The following USP13 variants were observed in gnomAD, a reference collection of about 807,000 sequenced individuals.
USP13 encodes ubiquitin specific peptidase 13.
Under a neutral mutation model 107.8 loss-of-function variants are expected in USP13, and 68 were observed. The ratio of observed to expected loss-of-function variants is 0.63; its 90% CI spans 0.52 to 0.77. The LOEUF (loss-of-function observed/expected upper bound fraction) is 0.77. USP13 is among the 30% of genes least tolerant of loss of function. The pLI, the probability that USP13 is intolerant of heterozygous loss-of-function variation, is 0.00. For synonymous variants in USP13, 377 were observed against 389.5 expected (o/e 0.97, Z 0.38); for missense variants, 945 against 1,093.3 (o/e 0.86, Z 1.91).
At chr3:179,693,908 A>G (rs1712196400) in intron 3 of USP13, among the ~76,000 whole-genome samples, 2 of 148,398 alleles carry the variant, frequency 1.3e-5, no homozygotes, top group Admixed American at 1.3e-4. Context: ...CGAACTCCTG[A>G]CCTCAGGTGG....
At chr3:179,708,596 G>A (rs1479658963) in intron 5 of USP13, among the ~76,000 whole-genome samples, 177 bp from the exon 6 acceptor site, 6 of 152,168 alleles carry the variant, frequency 3.9e-5, no homozygotes, top group Non-Finnish European at 8.8e-5. Flanking sequence ...GGTTACAGGC[G>A]TGAACCACCA....
chr3:179,756,307 C>T lies in USP13; in HGVS notation c.1922-745C>T, dbSNP rs551108533. 2.0e-5 allele frequency among the ~76,000 whole-genome samples: 3 copies of T among 152,278 alleles called. No individual in the cohort carries two copies. The East Asian group carries it at 5.8e-4, about 29-fold the overall frequency. On this transcript the variant is annotated intron_variant, in intron 15 of 20. Transcript: ENST00000263966. The stretch of plus-strand genomic sequence containing the variant: ...GCGTGGCCACACTTGCCTGTAATCC[C>T]AGCTACTCAGGAGGCTGAGGCAAGA...
At chr3:179,728,221 C>T (rs1480817592) in intron 8 of USP13, among the ~76,000 whole-genome samples, 8 of 147,434 alleles carry the variant, frequency 5.4e-5, no homozygotes, top group African/African-American at 7.4e-5. Context: ...ACCTCCCTGC[C>T]AGACGAGGTG....
chr3:179,681,128 G>T (rs953048991), intron 1 of USP13, among the ~76,000 whole-genome samples: 1 of 152,116 alleles, frequency 6.6e-6, no homozygotes, highest in Non-Finnish European at 1.5e-5. Context: ...ACGATTGCTC[G>T]GCTGTCCATA....
In USP13 at chr3:179,721,930, G is replaced by A. The variant is rs935232336; in HGVS notation, c.1088+341G>A. Among the ~76,000 whole-genome samples the A allele has an allele frequency of 1.3e-5, 2 of 151,954 alleles. No homozygotes were observed. The highest frequency in any genetic ancestry group is 4.8e-5 in the African/African-American group (2 of 41,372). On this transcript the variant is annotated intron_variant, in intron 8 of 20. Transcript: ENST00000263966. The surrounding 1 kb of genome is among the most constrained non-coding windows in gnomAD (Gnocchi z 4.3). Reference sequence around the variant, plus strand: ...CTAAAAATACAAAAATTAGCCAGGGGTGGTGGTGCACGCCTGTAATTCCAG... The same window carrying A: ...CTAAAAATACAAAAATTAGCCAGGGATGGTGGTGCACGCCTGTAATTCCAG...
Position 179,720,027 on chromosome 3 carries a change from T to G in USP13, c.893T>G (p.Met298Arg), listed in dbSNP as rs1373179803. ...CATTTTGGAATTGATATGCTTCATA[T>G]GCATGGGGTGAGGTCTCCTTTTGTT... is the stretch of plus-strand genomic sequence containing the variant. ...LAHFGIDMLHMHGTENGLQDN... is the reference protein window; with the variant it reads ...LAHFGIDMLHRHGTENGLQDN... The change falls in exon 7 of 21, where the codon ATG becomes AGG. Residue 298 changes from methionine to arginine, a missense_variant. Physicochemically the swap from Met to Arg is moderately conservative, Grantham distance 91. Coordinates refer to ENST00000263966, the MANE Select transcript of USP13 (RefSeq NM_003940.3). 6.2e-7 allele frequency: 1 copy of G among 1,613,640 alleles called. No individual in the cohort carries two copies. Among genetic ancestry groups the G allele is most frequent in the Non-Finnish European group, 8.5e-7 (1 of 1,179,798 alleles).
intron 1 of USP13, among the ~76,000 whole-genome samples, chr3:179,674,755 G>T (rs753852048): frequency 6.6e-6 from 1 of 152,042 alleles, no homozygotes; most frequent in Non-Finnish European, 1.5e-5. Context: ...TTTCTCTGTG[G>T]CTTCAGGCTG....
chr3:179,732,505 G>A (rs145132804), intron 10 of USP13, among the ~76,000 whole-genome samples: 1 of 152,072 alleles, frequency 6.6e-6, no homozygotes, highest in African/African-American at 2.4e-5. Flanking sequence ...GTGACTATGG[G>A]CAAGTCATGC....
chr3:179,721,369 T>G lies in USP13; in HGVS notation c.901-33T>G. 6.2e-7 allele frequency: 1 copy of G among 1,600,858 alleles called. No individual in the cohort carries two copies. Among genetic ancestry groups the G allele is most frequent in the South Asian group, 1.1e-5 (1 of 89,378 alleles). The stretch of plus-strand genomic sequence containing the variant: ...ATGACCTTTGAATGGGAATCACATT[T>G]AAAGTTGTTTTTCTTCGATGACTTT... On this transcript the variant is annotated intron_variant, in intron 7 of 20. Transcript: ENST00000263966. This position sits in a 1 kb window ranked among gnomAD's most constrained non-coding sequence, Gnocchi z 4.3.
chr3:179,766,412 C>T (rs769151870), intron 19 of USP13, among the ~76,000 whole-genome samples: 1 of 152,160 alleles, frequency 6.6e-6, no homozygotes, highest in Non-Finnish European at 1.5e-5. Context: ...TTTGTCTGTT[C>T]CTTTGAGGTA....
At chr3:179,661,135 A>G (rs1434150022) in intron 1 of USP13, among the ~76,000 whole-genome samples, 1 of 152,218 alleles carries the variant, frequency 6.6e-6, no homozygotes, top group East Asian at 1.9e-4. Flanking sequence ...GAGAAAGGCA[A>G]GTAACTTCAT....
At chr3:179,682,106 G>A (rs1711681281) in intron 2 of USP13, 103 bp downstream of exon 2, 2 of 1,425,202 alleles carry the variant, frequency 1.4e-6, no homozygotes, top group African/African-American at 1.4e-5. Context: ...CATAACTTCC[G>A]ATTCCCTTTG....
At chr3:179,773,542 T>C (rs1261268376) in intron 19 of USP13, among the ~76,000 whole-genome samples, 7 of 152,212 alleles carry the variant, frequency 4.6e-5, no homozygotes, top group Non-Finnish European at 8.8e-5. Flanking sequence ...CTTTTGGTCA[T>C]TACACTTGTT....
chr3:179,738,656 A>T (rs1714077113), intron 10 of USP13, among the ~76,000 whole-genome samples: 2 of 152,170 alleles, frequency 1.3e-5, no homozygotes, highest in Admixed American at 1.3e-4. Context: ...GCCAAAGGTG[A>T]TGTGGAATCT....
At chr3:179,660,270 A>G (rs1354013133) in intron 1 of USP13, among the ~76,000 whole-genome samples, 1 of 152,176 alleles carries the variant, frequency 6.6e-6, no homozygotes, top group East Asian at 1.9e-4. Flanking sequence ...TCCATTTGAC[A>G]ATAAACCCCC....
rs564891880 is a variant in USP13, at chr3:179,752,901, A to C, written c.1798+528A>C. ...CACTTAATAAAGTAGAAAAAAAGCC[A>C]GTTGCATTAGACAGTAAAACAAAAG... On this transcript the variant is annotated intron_variant, in intron 14 of 20. Transcript: ENST00000263966. 2.0e-5 allele frequency among the ~76,000 whole-genome samples: 3 copies of C among 152,342 alleles called. No homozygotes were observed. The South Asian group carries it at 6.2e-4, about 32-fold the overall frequency.
At chr3:179,661,542 G>T (rs899538293) in intron 1 of USP13, among the ~76,000 whole-genome samples, 4 of 151,852 alleles carry the variant, frequency 2.6e-5, no homozygotes, top group African/African-American at 9.7e-5. Flanking sequence ...AAGCTTAAAT[G>T]TTAGTGTGAT....
Position 179,676,728 on chromosome 3 carries a change from G to A in USP13, c.169-5150G>A, listed in dbSNP as rs554124629. ...TGTTTGTTCTATATGTGACAGGTTT[G>A]AAAGGGTTTTCTGTGTTAATGTTCC... On this transcript the variant is annotated intron_variant, in intron 1 of 20. Coordinates refer to ENST00000263966, the MANE Select transcript of USP13 (RefSeq NM_003940.3). Among the ~76,000 whole-genome samples, 4 of 152,270 alleles carry A rather than the reference G, an allele frequency of 2.6e-5. No homozygotes were observed. The East Asian group carries it at 7.7e-4, about 29-fold the overall frequency.
rs951312536 is a variant in USP13, at chr3:179,738,545, T to C, written c.1255-1702T>C. Among the ~76,000 whole-genome samples, 4 of 152,214 alleles carry C rather than the reference T, an allele frequency of 2.6e-5. No individual in the cohort carries two copies. The South Asian group carries it at 8.3e-4, about 32-fold the overall frequency. On this transcript the variant is annotated intron_variant, in intron 10 of 20. Coordinates refer to ENST00000263966, the MANE Select transcript of USP13 (RefSeq NM_003940.3). The stretch of plus-strand genomic sequence containing the variant: ...AAGACTAGTGTCCGCTTTCTAGGGT[T>C]ACTACAAGTATTAACGAGACAGTAG...
Sources: gnomAD v4.1 joint callset for allele counts (sites outside exome capture counted in the v4.1 genomes callset) on GRCh38, gnomAD v4.1.1 for gene constraint, Gnocchi (gnomAD v3.1) non-coding constraint, MANE v1.5 for transcripts, NCBI Gene and HGNC (gene_info 2026-07-23, HGNC 2026-07-21) for gene names.